The following AUTS2 variants were observed in gnomAD, a reference collection of about 807,000 sequenced individuals.
AUTS2 encodes the protein autism susceptibility gene 2 protein.
Under a neutral mutation model 112.4 loss-of-function variants are expected in AUTS2, and 17 were observed. The observed-to-expected ratio is 0.15, with a 90% CI of 0.10 to 0.23. AUTS2 has a LOEUF of 0.23. Ranked by LOEUF, AUTS2 falls within the 10% of genes least tolerant of loss-of-function variation. AUTS2 has a pLI of 1.00. For missense variants in AUTS2, 1,510 were observed against 1,701.6 expected (o/e 0.89, Z 1.98); for synonymous variants, 751 against 702.7 (o/e 1.07, Z -1.09).
chr7:70,220,600 G>C (rs1040354418), intron 4 of AUTS2, among the ~76,000 whole-genome samples: 1 of 152,150 alleles, frequency 6.6e-6, no homozygotes, highest in African/African-American at 2.4e-5. Context: ...AGCTGATTTA[G>C]GTGATCTGCT....
intron 1 of AUTS2, among the ~76,000 whole-genome samples, chr7:69,647,891 G>A (rs777469494): frequency 2.0e-5 from 3 of 152,138 alleles, no homozygotes; most frequent in Non-Finnish European, 4.4e-5. Context: ...TCTTTGGCTT[G>A]CAGCTGCATA....
At chr7:69,878,057 G>A (rs995388984) in intron 1 of AUTS2, among the ~76,000 whole-genome samples, 2 of 152,130 alleles carry the variant, frequency 1.3e-5, no homozygotes, top group Non-Finnish European at 2.9e-5. Context: ...AGACGGTGGG[G>A]GGCATGTGTG....
intron 11 of AUTS2, 120 bp downstream of exon 11, chr7:70,771,764 A>T: frequency 1.3e-6 from 1 of 742,104 alleles, no homozygotes; most frequent in Non-Finnish European, 2.1e-6. Flanking sequence ...GTCCTAAGTG[A>T]CCACTGGGAT....
At chr7:70,408,284 G>A (rs1311872874) in intron 4 of AUTS2, among the ~76,000 whole-genome samples, 3 of 152,132 alleles carry the variant, frequency 2.0e-5, no homozygotes, top group Non-Finnish European at 4.4e-5. Context: ...TGGTATGGTA[G>A]TGATCGTAGG....
At chr7:70,382,593 G>A (rs1286584476) in intron 4 of AUTS2, among the ~76,000 whole-genome samples, 2 of 152,040 alleles carry the variant, frequency 1.3e-5, no homozygotes, top group Non-Finnish European at 2.9e-5. Context: ...GTGGATTTTT[G>A]GCTGCTCCTT....
chr7:70,129,693 C>G, intron 3 of AUTS2, among the ~76,000 whole-genome samples: 1 of 152,074 alleles, frequency 6.6e-6, no homozygotes, highest in South Asian at 2.1e-4. Context: ...AAGACAAGAG[C>G]AAGAATGAAA....
intron 5 of AUTS2, among the ~76,000 whole-genome samples, chr7:70,485,356 G>A (rs1797942620): frequency 6.6e-6 from 1 of 152,142 alleles, no homozygotes; most frequent in South Asian, 2.1e-4. Flanking sequence ...TATTCTAAGT[G>A]AAGTAATTCA....
chr7:70,058,886 G>C (rs1802114561), intron 2 of AUTS2, among the ~76,000 whole-genome samples: 1 of 152,000 alleles, frequency 6.6e-6, no homozygotes, highest in African/African-American at 2.4e-5. Flanking sequence ...AGGTTTAACA[G>C]CAAAACTGAG....
rs1252706218 is a variant in AUTS2, at chr7:70,274,298, C to CT, written c.660+139734dup. 3.9e-5 allele frequency among the ~76,000 whole-genome samples: 6 copies of CT among 151,912 alleles called. No individual in the cohort carries two copies. The East Asian group carries it at 7.7e-4, about 20-fold the overall frequency. ...TTCTTTATTTTATATAGAAACTCAT[C>CT]TTTTTTTGTTTTGAGACAGGGTCTT... is the stretch of plus-strand genomic sequence containing the variant. On this transcript the variant is annotated intron_variant, in intron 4 of 18. Transcript: ENST00000342771.
intron 4 of AUTS2, among the ~76,000 whole-genome samples, chr7:70,425,972 G>T (rs80009754): frequency 0.049 from 7,502 of 152,094 alleles, 269 homozygotes; most frequent in Middle Eastern, 0.11. Context: ...CTCAATTAAC[G>T]TTCTTAGCAA....
rs1808071477 is a variant in AUTS2 at position 70,161,420 on chromosome 7, T to C, written c.660+26849T>C. 2.6e-5 allele frequency among the ~76,000 whole-genome samples: 4 copies of C among 152,002 alleles called. No individual in the cohort carries two copies. In the South Asian group the frequency reaches 8.3e-4, roughly 32 times the overall value. On this transcript the variant is annotated intron_variant, in intron 4 of 18. Transcript: ENST00000342771. ...ACCAGTTTCTTAGGGTGATCCCAGC[T>C]TATCCTTGATGAAAGCTTTTTGTTT... is the stretch of plus-strand genomic sequence containing the variant.
At chr7:70,138,371 A>G (rs1806680694) in intron 4 of AUTS2, among the ~76,000 whole-genome samples, 1 of 152,166 alleles carries the variant, frequency 6.6e-6, no homozygotes, top group Admixed American at 6.5e-5. Flanking sequence ...TCTTTATAGC[A>G]CTTGACTCCA....
intron 5 of AUTS2, among the ~76,000 whole-genome samples, chr7:70,441,588 T>C (rs906224733): frequency 2.6e-5 from 4 of 152,202 alleles, no homozygotes; most frequent in African/African-American, 4.8e-5. Context: ...AGTCTCACTA[T>C]GTTGCCCACA....
chr7:70,522,029 A>T (rs1799665659), intron 5 of AUTS2, among the ~76,000 whole-genome samples: 1 of 152,226 alleles, frequency 6.6e-6, no homozygotes, highest in African/African-American at 2.4e-5. Context: ...TAGCTTTATT[A>T]TGAGGATTTA....
At chr7:69,771,786 CTT>C (rs10585402) in intron 1 of AUTS2, among the ~76,000 whole-genome samples, 1,700 of 143,860 alleles carry the variant, frequency 0.012, 40 homozygotes, top group African/African-American at 0.038. Context: ...GTCATGTGAC[CTT>C]TTTTTTTTTT....
chr7:69,838,340 A>G (rs1051515436), intron 1 of AUTS2, among the ~76,000 whole-genome samples: 48 of 152,170 alleles, frequency 3.2e-4, no homozygotes, highest in Non-Finnish European at 7.4e-5. Flanking sequence ...ATCTCTAACA[A>G]TGGTTAAGCC....
At chr7:70,607,251 A>G (rs1347040025) in intron 5 of AUTS2, among the ~76,000 whole-genome samples, 3 of 152,136 alleles carry the variant, frequency 2.0e-5, no homozygotes, top group African/African-American at 7.2e-5. Context: ...GAGTGTAGTC[A>G]TGGAATCCTC....
At chr7:70,096,646 A>G (rs1402135258) in intron 2 of AUTS2, among the ~76,000 whole-genome samples, 1 of 151,826 alleles carries the variant, frequency 6.6e-6, no homozygotes, top group Non-Finnish European at 1.5e-5. Context: ...AATACTGTGT[A>G]AAGGACTATA....
intron 4 of AUTS2, among the ~76,000 whole-genome samples, chr7:70,375,827 T>G (rs1793059732): frequency 6.6e-6 from 1 of 152,112 alleles, no homozygotes. Flanking sequence ...CCTACCTAAG[T>G]CTGTCTTTCT....
Sources: allele counts gnomAD v4.1 joint callset (sites outside exome capture counted in the v4.1 genomes callset), GRCh38; gene constraint gnomAD v4.1.1; transcripts MANE v1.5; gene names NCBI Gene and HGNC (gene_info 2026-07-23, HGNC 2026-07-21).